The following PIK3R3 variants were observed in gnomAD, a reference collection of about 807,000 sequenced individuals.
PIK3R3 encodes the protein phosphoinositide-3-kinase regulatory subunit 3, also known as phosphatidylinositol 3-kinase regulatory subunit gamma.
Under a neutral mutation model 62.9 loss-of-function variants are expected in PIK3R3, and 64 were observed. The ratio of observed to expected loss-of-function variants is 1.02; its 90% CI spans 0.83 to 1.25. PIK3R3 has a LOEUF of 1.25. Among genes scored for constraint, PIK3R3 ranks in the 50% most tolerant of loss-of-function variants. The probability of loss-of-function intolerance (pLI) is 0.00; values close to 1 mark genes in which losing one functional copy is unlikely to be tolerated. For missense variants in PIK3R3, 614 were observed against 561.6 expected (o/e 1.09, Z -0.94); for synonymous variants, 165 against 189.0 (o/e 0.87, Z 1.04).
the PIK3R3 span, among the ~76,000 whole-genome samples, chr1:46,174,578 C>T: frequency 6.6e-6 from 1 of 152,136 alleles, no homozygotes; most frequent in Non-Finnish European, 1.5e-5. Context: ...AGCCAGATCT[C>T]GGACCGGTGC....
chr1:46,090,456 C>T (rs1478235374), intron 1 of PIK3R3, among the ~76,000 whole-genome samples: 6 of 152,190 alleles, frequency 3.9e-5, no homozygotes, highest in African/African-American at 1.4e-4. Flanking sequence ...CTCAGCCTCC[C>T]GGGTAGCTGG....
intron 1 of PIK3R3, among the ~76,000 whole-genome samples, chr1:46,121,324 C>T (rs964385647): frequency 6.6e-6 from 1 of 151,858 alleles, no homozygotes; most frequent in African/African-American, 2.4e-5. Context: ...ATTGAGTGAC[C>T]CTGTTGTAAA....
At chr1:46,085,235 C>T (rs1571448395) in intron 1 of PIK3R3, among the ~76,000 whole-genome samples, 1 of 152,296 alleles carries the variant, frequency 6.6e-6, no homozygotes, top group East Asian at 1.9e-4. Flanking sequence ...CAATACTGGC[C>T]TATTTCTACA....
the PIK3R3 span, among the ~76,000 whole-genome samples, chr1:46,139,276 A>T: frequency 2.0e-5 from 3 of 151,716 alleles, no homozygotes; most frequent in African/African-American, 7.3e-5. Context: ...GAGACTTATG[A>T]GAACACTTTT....
At chr1:46,088,884 A>G (rs1370228552) in intron 1 of PIK3R3, among the ~76,000 whole-genome samples, 2 of 152,094 alleles carry the variant, frequency 1.3e-5, no homozygotes, top group African/African-American at 2.4e-5. Flanking sequence ...AAGGGGAAAA[A>G]AAAAAAAAAA....
chr1:46,147,636 G>GTCTCGA, the PIK3R3 span, among the ~76,000 whole-genome samples: 3 of 151,618 alleles, frequency 2.0e-5, no homozygotes, highest in African/African-American at 7.3e-5. Context: ...AGCCGGGACG[G>GTCTCGA]TCTCGATCTC....
the PIK3R3 span, among the ~76,000 whole-genome samples, chr1:46,160,456 C>T: frequency 6.6e-6 from 1 of 152,222 alleles, no homozygotes. Context: ...AAACCTAGCT[C>T]AAACTGTCTT....
upstream of PIK3R3, among the ~76,000 whole-genome samples, chr1:46,136,133 G>A (rs1026357766): frequency 1.3e-5 from 2 of 150,944 alleles, no homozygotes; most frequent in Non-Finnish European, 2.9e-5. Flanking sequence ...TTTGGGTAGG[G>A]ATTCTACCAG....
At chr1:46,096,080 G>A (rs914210973) in intron 1 of PIK3R3, among the ~76,000 whole-genome samples, 1 of 152,120 alleles carries the variant, frequency 6.6e-6, no homozygotes, top group African/African-American at 2.4e-5. Flanking sequence ...CACCGTGCCC[G>A]ACACAATGGA....
intron 1 of PIK3R3, among the ~76,000 whole-genome samples, chr1:46,101,446 A>G (rs557964953): frequency 1.3e-5 from 2 of 152,172 alleles, no homozygotes; most frequent in South Asian, 4.1e-4. Flanking sequence ...CGGAGGTTGC[A>G]GTGAGCCCAG....
chr1:46,094,300 T>A (rs944062799), intron 1 of PIK3R3, among the ~76,000 whole-genome samples: 1 of 152,146 alleles, frequency 6.6e-6, no homozygotes, highest in Non-Finnish European at 1.5e-5. Flanking sequence ...CTATTTTATT[T>A]TAGAGGAACA....
intron 1 of PIK3R3, among the ~76,000 whole-genome samples, chr1:46,131,338 T>G (rs1252775278): frequency 4.6e-5 from 7 of 152,070 alleles, no homozygotes; most frequent in African/African-American, 1.7e-4. Flanking sequence ...AAAGGGAGTC[T>G]TACAATGAAT....
chr1:46,064,005 G>A (rs72677530), intron 5 of PIK3R3, among the ~76,000 whole-genome samples: 30,993 of 151,978 alleles, frequency 0.2, 3,635 homozygotes, highest in Non-Finnish European at 0.26. Context: ...TTCAAGTCAG[G>A]GGTTCAAGAC....
the PIK3R3 span, among the ~76,000 whole-genome samples, chr1:46,160,397 T>C: frequency 9.8e-5 from 15 of 152,392 alleles, no homozygotes; most frequent in African/African-American, 3.6e-4. Flanking sequence ...CATTTGCCTT[T>C]TCTGAACACC....
chr1:46,127,551 G>C (rs1259131624), intron 1 of PIK3R3, among the ~76,000 whole-genome samples: 1 of 152,102 alleles, frequency 6.6e-6, no homozygotes. Flanking sequence ...TTGTGTATGA[G>C]TTATAATCAG....
chr1:46,088,236 T>A (rs1651278394), intron 1 of PIK3R3, among the ~76,000 whole-genome samples: 1 of 151,988 alleles, frequency 6.6e-6, no homozygotes, highest in Admixed American at 6.6e-5. Context: ...AATAAATAAA[T>A]ATTTTAAAAG....
intron 3 of PIK3R3, among the ~76,000 whole-genome samples, chr1:46,072,188 C>G (rs192983791): frequency 1.2e-4 from 19 of 152,340 alleles, no homozygotes; most frequent in Admixed American, 1.0e-3. Context: ...ATTAAACTTT[C>G]ACTCAAAGCC....
At chr1:46,062,412 T>C (rs1482783122) in intron 5 of PIK3R3, among the ~76,000 whole-genome samples, 1 of 152,060 alleles carries the variant, frequency 6.6e-6, no homozygotes, top group African/African-American at 2.4e-5. Flanking sequence ...CCGTCTCTAC[T>C]AAAAATACAA....
At chr1:46,082,191 A>G (rs1650658009) in intron 1 of PIK3R3, among the ~76,000 whole-genome samples, 1 of 152,182 alleles carries the variant, frequency 6.6e-6, no homozygotes. Context: ...GGGCCCCAAT[A>G]CAATACACTA....
Sources: gnomAD v4.1 joint callset for allele counts (sites outside exome capture counted in the v4.1 genomes callset) on GRCh38, gnomAD v4.1.1 for gene constraint, MANE v1.5 for transcripts, NCBI Gene and HGNC (gene_info 2026-07-23, HGNC 2026-07-21) for gene names.